The following IL1RAPL1 variants were observed in gnomAD, a reference collection of about 807,000 sequenced individuals.
The protein encoded by IL1RAPL1 is interleukin 1 receptor accessory protein like 1, also known as interleukin-1 receptor accessory protein-like 1.
Under a neutral mutation model 48.4 loss-of-function variants are expected in IL1RAPL1, and 3 were observed. That is an observed-to-expected ratio of 0.06 (90% CI 0.03 to 0.16). The LOEUF is 0.16. IL1RAPL1 is among the 10% of genes least tolerant of loss of function. The pLI, the probability that IL1RAPL1 is intolerant of heterozygous loss-of-function variation, is 1.00. For missense variants in IL1RAPL1, 349 were observed against 530.6 expected, an observed-to-expected ratio of 0.66 and a Z score of 3.36; for synonymous variants, 185 against 187.7, an observed-to-expected ratio of 0.99 and a Z score of 0.12.
At chrX:29,296,192 C>A (rs763202113) in intron 3 of IL1RAPL1, among the ~76,000 whole-genome samples, 1 of 111,575 alleles carries the variant, frequency 9.0e-6, no homozygotes, top group African/African-American at 3.3e-5. Context: ...GCCTGGACAT[C>A]GCAAGTATCT....
At chrX:29,045,345 A>C (rs191132528) in intron 2 of IL1RAPL1, among the ~76,000 whole-genome samples, 1 of 112,720 alleles carries the variant, frequency 8.9e-6, no homozygotes, top group East Asian at 2.8e-4. Context: ...TAACTAAATG[A>C]GTAAATGAAA....
chrX:29,171,924 G>T (rs1484697904), intron 2 of IL1RAPL1, among the ~76,000 whole-genome samples: 1 of 112,150 alleles, frequency 8.9e-6, no homozygotes, highest in Non-Finnish European at 1.9e-5. Flanking sequence ...TTAACTGAGA[G>T]AATGAATTTG....
chrX:29,783,672 C>T (rs1929420205), intron 6 of IL1RAPL1, among the ~76,000 whole-genome samples: 1 of 111,732 alleles, frequency 8.9e-6, no homozygotes, highest in African/African-American at 3.3e-5. Context: ...AATACTATCT[C>T]CCACAAATGT....
chrX:29,918,848 ATACT>A (rs762001807), intron 7 of IL1RAPL1, among the ~76,000 whole-genome samples: 214 of 112,215 alleles, frequency 1.9e-3, no homozygotes, highest in Non-Finnish European at 3.0e-3. Flanking sequence ...TTTGGCATAG[ATACT>A]TATTTTTATT....
intron 2 of IL1RAPL1, among the ~76,000 whole-genome samples, chrX:29,194,471 T>C (rs746482060): frequency 8.0e-5 from 9 of 111,953 alleles, no homozygotes; most frequent in Non-Finnish European, 1.7e-4. Context: ...AGATATCTAA[T>C]GTGTACCCAC....
rs1415925545 is a variant in IL1RAPL1, at chrX:29,678,235, CAT to C, written c.778+9732_778+9733del. Among the ~76,000 whole-genome samples, 8 of 108,408 alleles carry C rather than the reference CAT, an allele frequency of 7.4e-5. No individual in the cohort carries two copies. In the Admixed American group the frequency reaches 8.0e-4, roughly 11 times the overall value. The allele number at this position is 108,408 out of a possible 115,157, so 94.1% of individuals were successfully genotyped here. ...TGCTCCGAAACATGCCAGATATTTA[CAT>C]GAGTCCAATACATAGAGTGTCCATA... On this transcript the variant is annotated intron_variant, in intron 6 of 10. Transcript: ENST00000378993.
At chrX:28,738,778 A>G (rs1458379268) in intron 1 of IL1RAPL1, among the ~76,000 whole-genome samples, 6 of 111,640 alleles carry the variant, frequency 5.4e-5, no homozygotes, top group Non-Finnish European at 1.1e-4. Context: ...GAATTAAACA[A>G]AAATCTGCTT....
At chrX:28,973,014 A>G (rs2039754782) in intron 2 of IL1RAPL1, among the ~76,000 whole-genome samples, 1 of 111,695 alleles carries the variant, frequency 9.0e-6, no homozygotes, top group East Asian at 2.8e-4. Flanking sequence ...ATTTTCATTT[A>G]GATAACATCT....
chrX:29,257,143 A>C (rs745918888), intron 2 of IL1RAPL1, among the ~76,000 whole-genome samples: 1 of 111,756 alleles, frequency 8.9e-6, no homozygotes, highest in Admixed American at 9.5e-5. Flanking sequence ...AAAAATAGTG[A>C]GCCAAACACA....
chrX:29,313,622 G>C (rs904909525), intron 3 of IL1RAPL1, among the ~76,000 whole-genome samples: 2 of 111,443 alleles, frequency 1.8e-5, no homozygotes, highest in Admixed American at 1.9e-4. Flanking sequence ...TATTGTTTTA[G>C]GAAATGGTTG....
chrX:29,016,925 A>G (rs1256403600), intron 2 of IL1RAPL1, among the ~76,000 whole-genome samples: 2 of 111,510 alleles, frequency 1.8e-5, no homozygotes, highest in African/African-American at 3.3e-5. Flanking sequence ...ATATTTTCCT[A>G]GAGTAATATG....
intron 6 of IL1RAPL1, among the ~76,000 whole-genome samples, chrX:29,835,262 T>C (rs1387578180): frequency 8.9e-6 from 1 of 112,035 alleles, no homozygotes; most frequent in African/African-American, 3.2e-5. Flanking sequence ...GAAAATTACA[T>C]GTATTTATCA....
chrX:29,001,703 A>T (rs1246906519), intron 2 of IL1RAPL1, among the ~76,000 whole-genome samples: 1 of 111,798 alleles, frequency 8.9e-6, no homozygotes, highest in African/African-American at 3.3e-5. Flanking sequence ...AAAAGAAAGA[A>T]AAAATATTTT....
chrX:29,261,975 A>G (rs1238504585), intron 2 of IL1RAPL1, among the ~76,000 whole-genome samples: 1 of 111,643 alleles, frequency 9.0e-6, no homozygotes, highest in Non-Finnish European at 1.9e-5. Flanking sequence ...GGTTGCTACC[A>G]TGTCTGTTTT....
intron 2 of IL1RAPL1, among the ~76,000 whole-genome samples, chrX:29,251,851 C>T (rs998153223): frequency 1.8e-5 from 2 of 110,646 alleles, no homozygotes; most frequent in African/African-American, 3.3e-5. Context: ...AACATGTATA[C>T]GATATTGTGG....
rs368085613 is a variant in IL1RAPL1, at chrX:29,200,326, C to G, written c.83-82612C>G. On this transcript the variant is annotated intron_variant, in intron 2 of 10. Transcript: ENST00000378993. ...CTATCATGGTTCTCTGTGGCACAGC[C>G]CCCCCTTGATTGCATTTAGTATCTT... Among the ~76,000 whole-genome samples the G allele has an allele frequency of 1.7e-4, 19 of 111,050 alleles. No individual in the cohort carries two copies. In the South Asian group the frequency reaches 6.6e-3, roughly 39 times the overall value.
At chrX:28,753,511 A>G (rs181114785) in intron 1 of IL1RAPL1, among the ~76,000 whole-genome samples, 1 of 112,190 alleles carries the variant, frequency 8.9e-6, no homozygotes, top group African/African-American at 3.2e-5. Flanking sequence ...GATTTCACCT[A>G]CATTTCCAAA....
chrX:28,833,227 TGG>T (rs1200155255), intron 2 of IL1RAPL1, among the ~76,000 whole-genome samples: 5 of 111,529 alleles, frequency 4.5e-5, no homozygotes, highest in Non-Finnish European at 7.5e-5. Context: ...CCACCATTGA[TGG>T]GGCACCCAGG....
chrX:29,497,877 G>A (rs778776317), intron 5 of IL1RAPL1, among the ~76,000 whole-genome samples: 1 of 111,694 alleles, frequency 9.0e-6, no homozygotes, highest in African/African-American at 3.2e-5. Context: ...TAAAGTGTTT[G>A]AGTAATCAAG....
Sources: gnomAD v4.1 joint callset for allele counts (sites outside exome capture counted in the v4.1 genomes callset) on GRCh38, gnomAD v4.1.1 for gene constraint, MANE v1.5 for transcripts, NCBI Gene and HGNC (gene_info 2026-07-23, HGNC 2026-07-21) for gene names.